The following CNTNAP3B variants were observed in gnomAD, a reference collection of about 807,000 sequenced individuals.
CNTNAP3B encodes the protein contactin-associated protein-like 3B.
In CNTNAP3B, 25 loss-of-function variants were observed where a neutral mutation model predicts 108.9. The observed-to-expected ratio is 0.23, with a 90% CI of 0.17 to 0.32. The LOEUF (loss-of-function observed/expected upper bound fraction) is 0.32, where lower values mean the gene tolerates loss of function less well. CNTNAP3B is among the 10% of genes least tolerant of loss of function. The probability of loss-of-function intolerance (pLI) is 1.00; values close to 1 mark genes in which losing one functional copy is unlikely to be tolerated. For missense variants in CNTNAP3B, 252 were observed against 1,210.4 expected (o/e 0.21, Z 11.75); for synonymous variants, 103 against 473.4 (o/e 0.22, Z 10.16).
At chr9:41,977,217 T>G (rs1007149365) in intron 9 of CNTNAP3B, among the ~76,000 whole-genome samples, 1 of 151,110 alleles carries the variant, frequency 6.6e-6, no homozygotes, top group African/African-American at 2.5e-5. Flanking sequence ...TAATCTCACC[T>G]GTAGAATTTA....
chr9:41,925,702 T>C (rs1274263480), intron 15 of CNTNAP3B, among the ~76,000 whole-genome samples: 2 of 152,306 alleles, frequency 1.3e-5, no homozygotes, highest in Non-Finnish European at 2.9e-5. Flanking sequence ...ATTTGTATTC[T>C]ATTCAATGGT....
In CNTNAP3B at chr9:42,066,558, C is replaced by G. The variant is rs1475534557; in HGVS notation, c.390+10311G>C. On this transcript the variant is annotated intron_variant, in intron 3 of 23. Coordinates refer to ENST00000377561, the MANE Select transcript of CNTNAP3B (RefSeq NM_001201380.3). Reference sequence around the variant, plus strand: ...TCTCCTGACTCAGCCTTCCGAGTAGCTGGGATTACAGGCGCCTGCCACCAC... The same window carrying G: ...TCTCCTGACTCAGCCTTCCGAGTAGGTGGGATTACAGGCGCCTGCCACCAC... Among the ~76,000 whole-genome samples, 2 of 125,664 alleles carry G rather than the reference C, an allele frequency of 1.6e-5. 1 individual carries two copies. Among genetic ancestry groups the G allele is most frequent in the Non-Finnish European group, 3.3e-5 (2 of 60,632 alleles). The allele number at this position is 125,664 out of a possible 152,430, so 82.4% of individuals were successfully genotyped here. A position where few individuals can be genotyped will look rare whatever the true frequency, so the allele number is the denominator to read the frequency against.
intron 3 of CNTNAP3B, among the ~76,000 whole-genome samples, chr9:42,053,898 G>T (rs566579216): frequency 2.0e-5 from 3 of 148,368 alleles, no homozygotes; most frequent in Non-Finnish European, 4.5e-5. Context: ...GGTTTACCCA[G>T]CACACCCACC....
rs1427946314 is a variant in CNTNAP3B at position 42,069,517 on chromosome 9, TGAA to T, written c.390+7349_390+7351del. 1.3e-4 allele frequency among the ~76,000 whole-genome samples: 12 copies of T among 92,278 alleles called. 1 individual carries two copies. In the East Asian group the frequency reaches 4.6e-3, roughly 35 times the overall value. 60.5% of individuals were successfully genotyped at this position (92,278 alleles called of 152,430 possible). ...ACACACCATGCTGACCCTTAATTTG[TGAA>T]GAAGGCCCACAAGTATTAGAAAGAT... On this transcript the variant is annotated intron_variant, in intron 3 of 23. Coordinates refer to ENST00000377561, the MANE Select transcript of CNTNAP3B (RefSeq NM_001201380.3).
chr9:41,961,624 CA>C, intron 11 of CNTNAP3B, among the ~76,000 whole-genome samples: 1 of 152,356 alleles, frequency 6.6e-6, no homozygotes, highest in Admixed American at 6.5e-5. Context: ...TATGAATGAG[CA>C]TTTTAAAGAG....
At chr9:41,997,320 C>G (rs1321127383) in intron 6 of CNTNAP3B, among the ~76,000 whole-genome samples, 1 of 152,320 alleles carries the variant, frequency 6.6e-6, no homozygotes, top group East Asian at 1.9e-4. Flanking sequence ...TGCTTGCTAC[C>G]TTGGTATTTC....
At chr9:42,111,168 G>T (rs1828186733) in intron 1 of CNTNAP3B, among the ~76,000 whole-genome samples, 1 of 139,112 alleles carries the variant, frequency 7.2e-6, no homozygotes. Flanking sequence ...TGGTCAGGAA[G>T]CCCACGCTGA....
chr9:41,983,292 C>T (rs1223444459), intron 9 of CNTNAP3B: 1 of 116,802 alleles, frequency 8.6e-6, no homozygotes, highest in East Asian at 2.9e-4. Flanking sequence ...TAGAGATTTT[C>T]TATTGCTTAT....
chr9:41,959,580 T>G (rs1824995891), intron 12 of CNTNAP3B, among the ~76,000 whole-genome samples: 1 of 152,310 alleles, frequency 6.6e-6, no homozygotes, highest in Non-Finnish European at 1.5e-5. Flanking sequence ...GATTTCTCAC[T>G]TTGCTTTCAT....
intron 11 of CNTNAP3B, among the ~76,000 whole-genome samples, chr9:41,962,872 G>A (rs62557280): frequency 0.076 from 10,585 of 138,982 alleles, 64 homozygotes; most frequent in East Asian, 0.16. Flanking sequence ...GGAGAATGGC[G>A]TGAACCCAGG....
intron 2 of CNTNAP3B, among the ~76,000 whole-genome samples, chr9:42,090,906 A>C (rs28378823): frequency 0.19 from 9,862 of 52,468 alleles, 104 homozygotes; most frequent in East Asian, 0.28. Flanking sequence ...ATTACATAAA[A>C]TATAAAGTTC....
rs1827703687 is a variant in CNTNAP3B, at chr9:42,086,376, A to G, written c.197-9314T>C. ...ATCATCTACTATGAATAATGTTGCT[A>G]TGAATATATATATATATATAAATTT... is the stretch of plus-strand genomic sequence containing the variant. On this transcript the variant is annotated intron_variant, in intron 2 of 23. Coordinates refer to ENST00000377561, the MANE Select transcript of CNTNAP3B (RefSeq NM_001201380.3). 1.5e-5 allele frequency among the ~76,000 whole-genome samples: 2 copies of G among 132,424 alleles called. 1 individual carries two copies. Among genetic ancestry groups the G allele is most frequent in the African/African-American group, 5.9e-5 (2 of 33,644 alleles). 86.9% of individuals were successfully genotyped at this position (132,424 alleles called of 152,430 possible). A position where few individuals can be genotyped will look rare whatever the true frequency, so the allele number is the denominator to read the frequency against.
At chr9:41,919,728 T>C in intron 18 of CNTNAP3B, among the ~76,000 whole-genome samples, 1 of 152,218 alleles carries the variant, frequency 6.6e-6, no homozygotes, top group Non-Finnish European at 1.5e-5. Flanking sequence ...TCTCTAAAAA[T>C]TAAAAACAAA....
chr9:42,076,354 A>T (rs28674098), intron 3 of CNTNAP3B, among the ~76,000 whole-genome samples: 23 of 123,200 alleles, frequency 1.9e-4, no homozygotes, highest in South Asian at 2.7e-4. Context: ...TGAACCTGGG[A>T]GGCAGAGGCT....
At chr9:41,925,839 T>G (rs1249018273) in intron 15 of CNTNAP3B, among the ~76,000 whole-genome samples, 1 of 152,296 alleles carries the variant, frequency 6.6e-6, no homozygotes, top group Non-Finnish European at 1.5e-5. Flanking sequence ...AGGCTCATCT[T>G]AAATTTTCTC....
rs1434645635 is a variant in CNTNAP3B, at chr9:41,968,289, TG to T, written c.1649+1784del. ...TGTTGTCACTCACAGTGTGGGCCCA[TG>T]GGACATTACCCCTTAACTCAGAGAG... On this transcript the variant is annotated intron_variant, in intron 10 of 23. Coordinates refer to ENST00000377561, the MANE Select transcript of CNTNAP3B (RefSeq NM_001201380.3). Among the ~76,000 whole-genome samples, 2 of 143,522 alleles carry T rather than the reference TG, an allele frequency of 1.4e-5. 1 individual carries two copies. The highest frequency in any genetic ancestry group is 5.4e-5 in the African/African-American group (2 of 36,834). The allele number at this position is 143,522 out of a possible 152,430, so 94.2% of individuals were successfully genotyped here. A position where few individuals can be genotyped will look rare whatever the true frequency, so the allele number is the denominator to read the frequency against.
At chr9:41,937,114 T>TTATTA (rs1554739561) in intron 14 of CNTNAP3B, among the ~76,000 whole-genome samples, 4,614 of 140,822 alleles carry the variant, frequency 0.033, 97 homozygotes, top group African/African-American at 0.072. Flanking sequence ...TATTTATTAA[T>TTATTA]TTATTATTAT....
intron 11 of CNTNAP3B, among the ~76,000 whole-genome samples, chr9:41,961,635 G>C (rs1198944028): frequency 6.6e-6 from 1 of 152,340 alleles, no homozygotes; most frequent in South Asian, 2.1e-4. Flanking sequence ...ATTTTAAAGA[G>C]ATAAATGGAA....
At chr9:41,942,509 G>A (rs1394292040) in intron 13 of CNTNAP3B, among the ~76,000 whole-genome samples, 1 of 151,436 alleles carries the variant, frequency 6.6e-6, no homozygotes, top group African/African-American at 2.4e-5. Context: ...TACTGGGGAG[G>A]CTGAGGCGGG....
Sources: allele counts gnomAD v4.1 joint callset (sites outside exome capture counted in the v4.1 genomes callset), GRCh38; gene constraint gnomAD v4.1.1; transcripts MANE v1.5; gene names NCBI Gene and HGNC (gene_info 2026-07-23, HGNC 2026-07-21).